GIGYF2: variants seen among roughly 807,000 people sequenced by gnomAD.
The protein encoded by GIGYF2 is GRB10 interacting GYF protein 2, also known as GRB10-interacting GYF protein 2.
In GIGYF2, 25 loss-of-function variants were observed where a neutral mutation model predicts 208.1. The ratio of observed to expected loss-of-function variants is 0.12; its 90% CI spans 0.09 to 0.17. The LOEUF (loss-of-function observed/expected upper bound fraction) is 0.17, where lower values mean the gene tolerates loss of function less well. Among genes scored for constraint, GIGYF2 ranks in the 10% least tolerant of loss-of-function variants. GIGYF2 has a pLI of 1.00. For synonymous variants in GIGYF2, 534 were observed against 543.8 expected, an observed-to-expected ratio of 0.98 and a Z score of 0.25; for missense variants, 1,302 against 1,579.4, an observed-to-expected ratio of 0.82 and a Z score of 2.98.
At chr2:232,811,120 A>T in intron 16 of GIGYF2, 124 bp from the exon 17 acceptor site, 1 of 665,794 alleles carries the variant, frequency 1.5e-6, no homozygotes. Flanking sequence ...TATAAAATAT[A>T]TTTGATAGCT....
intron 12 of GIGYF2, among the ~76,000 whole-genome samples, chr2:232,793,398 G>A (rs1464132011): frequency 6.6e-6 from 1 of 152,138 alleles, no homozygotes; most frequent in Non-Finnish European, 1.5e-5. Context: ...CTGGATATCA[G>A]GGTAAAGAAG....
intron 24 of GIGYF2, 30 bp downstream of exon 24, chr2:232,844,285 A>T: frequency 6.2e-7 from 1 of 1,609,492 alleles, no homozygotes; most frequent in Non-Finnish European, 8.5e-7. Flanking sequence ...CTGTCGTTGT[A>T]TGGACTAGTA....
At chr2:232,701,695 A>G (rs1486629437) in intron 1 of GIGYF2, among the ~76,000 whole-genome samples, 5 of 151,872 alleles carry the variant, frequency 3.3e-5, no homozygotes, top group Non-Finnish European at 7.4e-5. Context: ...AAGTGTTGAG[A>G]TTATAGGCAT....
At position 232,748,888 on chromosome 2, in the gene GIGYF2, CAAT is replaced by C. The variant is rs1228668124; in HGVS notation, c.172-96_172-94del. The C allele has an allele frequency of 7.9e-6, 6 of 756,590 alleles. No individual in the cohort carries two copies. In the African/African-American group the frequency reaches 1.0e-4, roughly 13 times the overall value. The allele number at this position is 756,590 out of a possible 1,614,324, so 46.9% of individuals were successfully genotyped here. A position where few individuals can be genotyped will look rare whatever the true frequency, so the allele number is the denominator to read the frequency against. Reference sequence around the variant, plus strand: ...ATTAATCTGTATTTATAATAATCAACAATAAATAGAAGAGTATTCTTTCTTGGA... The same window carrying C: ...ATTAATCTGTATTTATAATAATCAACAAATAGAAGAGTATTCTTTCTTGGA... On this transcript the variant is annotated intron_variant, in intron 4 of 28. Coordinates refer to ENST00000373563, the MANE Select transcript of GIGYF2 (RefSeq NM_001103146.3).
chr2:232,704,472 T>C (rs1246171054), intron 2 of GIGYF2, among the ~76,000 whole-genome samples: 1 of 152,108 alleles, frequency 6.6e-6, no homozygotes, highest in Admixed American at 6.6e-5. Context: ...TGGCATGATG[T>C]CAGCTCACTG....
At position 232,797,490 on chromosome 2, in the gene GIGYF2, TG is replaced by T. The variant is rs372540940; in HGVS notation, c.1639+1270del. On this transcript the variant is annotated intron_variant, in intron 14 of 28. Coordinates refer to ENST00000373563, the MANE Select transcript of GIGYF2 (RefSeq NM_001103146.3). ...TGGTAAGATACACGAGAGCAGGGCTTGTGTGTGTGTGTGTGTGTGTGTGTGT... is the reference window on the plus strand; with the variant it reads ...TGGTAAGATACACGAGAGCAGGGCTTTGTGTGTGTGTGTGTGTGTGTGTGT... Among the ~76,000 whole-genome samples the T allele has an allele frequency of 6.9e-3, 4 of 578 alleles. No individual in the cohort carries two copies. In the African/African-American group the frequency reaches 0.071, roughly 10 times the overall value. 0.4% of individuals were successfully genotyped at this position (578 alleles called of 152,430 possible).
chr2:232,813,613 A>C (rs1453621495), intron 18 of GIGYF2, among the ~76,000 whole-genome samples: 1 of 152,144 alleles, frequency 6.6e-6, no homozygotes, highest in African/African-American at 2.4e-5. Flanking sequence ...CTCAAGAACT[A>C]TAGGCCTTGG....
intron 21 of GIGYF2, among the ~76,000 whole-genome samples, chr2:232,820,990 C>G (rs11900295): frequency 0.093 from 14,138 of 151,908 alleles, 902 homozygotes; most frequent in East Asian, 0.17. Context: ...ATCACCACGT[C>G]TGGCTAATTT....
intron 2 of GIGYF2, among the ~76,000 whole-genome samples, chr2:232,733,038 C>T (rs1038907675): frequency 6.6e-6 from 1 of 151,996 alleles, no homozygotes; most frequent in Non-Finnish European, 1.5e-5. Context: ...AGGCTGATCA[C>T]GAGGTCAGGA....
intron 27 of GIGYF2, among the ~76,000 whole-genome samples, chr2:232,848,766 T>C (rs1269999476): frequency 6.6e-6 from 1 of 152,244 alleles, no homozygotes; most frequent in Non-Finnish European, 1.5e-5. Context: ...GTTTCCTTGT[T>C]CTACCTTAAC....
chr2:232,748,288 A>G (rs1208650569), intron 4 of GIGYF2, among the ~76,000 whole-genome samples: 1 of 152,012 alleles, frequency 6.6e-6, no homozygotes, highest in Admixed American at 6.6e-5. Context: ...TTTTCCCAAT[A>G]TACTTTTTTT....
chr2:232,717,430 A>C (rs1443756960), intron 2 of GIGYF2, among the ~76,000 whole-genome samples: 1 of 152,082 alleles, frequency 6.6e-6, no homozygotes, highest in East Asian at 1.9e-4. Flanking sequence ...TTTTGTAGTC[A>C]CCACTTAGAT....
chr2:232,788,690 A>T lies in GIGYF2; in HGVS notation c.712+1361A>T, dbSNP rs192746992. 2.2e-3 allele frequency: 834 copies of T among 370,924 alleles called. 5 individuals carry two copies. The highest frequency in any genetic ancestry group is 2.9e-3 in the Non-Finnish European group (502 of 170,970). The allele number at this position is 370,924 out of a possible 1,614,324, so 23.0% of individuals were successfully genotyped here. ...CAAAGTACCTCCCACCCAACAACTTAGAATTTGGTTATATATTATCTTCTT... is the reference window on the plus strand; with the variant it reads ...CAAAGTACCTCCCACCCAACAACTTTGAATTTGGTTATATATTATCTTCTT... On this transcript the variant is annotated intron_variant, in intron 9 of 28. Coordinates refer to ENST00000373563, the MANE Select transcript of GIGYF2 (RefSeq NM_001103146.3).
chr2:232,792,043 A>G (rs560965844), intron 12 of GIGYF2, among the ~76,000 whole-genome samples: 2 of 152,320 alleles, frequency 1.3e-5, no homozygotes, highest in East Asian at 3.9e-4. Context: ...TGATTCATTT[A>G]CCATAAAAAT....
At position 232,858,944 on chromosome 2, in the gene GIGYF2, C is replaced by G. The variant is rs925508716; in HGVS notation, c.*2084C>G. 1 of 163,026 alleles carries G rather than the reference C, an allele frequency of 6.1e-6. No individual in the cohort carries two copies. Among genetic ancestry groups the G allele is most frequent in the African/African-American group, 2.4e-5 (1 of 41,620 alleles). 10.1% of individuals were successfully genotyped at this position (163,026 alleles called of 1,614,324 possible). ...CCAGAGCTTGCCCACACCTTCCCAA[C>G]TAGACTCTGTGTGTGTATTCAGGAA... On this transcript the variant is annotated 3_prime_UTR_variant, in exon 29 of 29. Transcript: ENST00000373563.
intron 8 of GIGYF2, among the ~76,000 whole-genome samples, chr2:232,777,121 T>C (rs1699548496): frequency 6.6e-6 from 1 of 152,170 alleles, no homozygotes; most frequent in Admixed American, 6.5e-5. Context: ...AAACTTTTTT[T>C]TTTTAAAGGC....
chr2:232,779,698 C>A (rs1224365224), intron 8 of GIGYF2, among the ~76,000 whole-genome samples: 1 of 152,172 alleles, frequency 6.6e-6, no homozygotes, highest in African/African-American at 2.4e-5. Context: ...GGCCTGAGGA[C>A]CTTTTTCAGA....
At chr2:232,770,253 A>G (rs1020950074) in intron 8 of GIGYF2, among the ~76,000 whole-genome samples, 4 of 152,218 alleles carry the variant, frequency 2.6e-5, no homozygotes, top group African/African-American at 9.6e-5. Flanking sequence ...TTCTTTTGAA[A>G]TTATGTATGT....
At chr2:232,844,307 G>A (rs765634837) in intron 24 of GIGYF2, 52 bp downstream of exon 24, 6 of 1,612,642 alleles carry the variant, frequency 3.7e-6, no homozygotes, top group Non-Finnish European at 5.1e-6. Flanking sequence ...TATCTTTTCT[G>A]ACTGTCTTCT....
Sources: gnomAD v4.1 joint callset for allele counts (sites outside exome capture counted in the v4.1 genomes callset) on GRCh38, gnomAD v4.1.1 for gene constraint, MANE v1.5 for transcripts, NCBI Gene and HGNC (gene_info 2026-07-23, HGNC 2026-07-21) for gene names.